ARHGAP31: variants seen among roughly 807,000 people sequenced by gnomAD.
ARHGAP31 encodes rho GTPase-activating protein 31.
In ARHGAP31, 34 loss-of-function variants were observed where a neutral mutation model predicts 113.9. The ratio of observed to expected loss-of-function variants is 0.30; its 90% CI spans 0.23 to 0.40. The LOEUF (loss-of-function observed/expected upper bound fraction) is 0.40, where lower values mean the gene tolerates loss of function less well. Ranked by LOEUF, ARHGAP31 falls within the 10% of genes least tolerant of loss-of-function variation. ARHGAP31 has a pLI of 1.00. For missense variants in ARHGAP31, 1,548 were observed against 1,767.1 expected, an observed-to-expected ratio of 0.88 and a Z score of 2.22; for synonymous variants, 650 against 684.8, an observed-to-expected ratio of 0.95 and a Z score of 0.79.
In ARHGAP31 at chr3:119,414,127, C is replaced by T. The variant is rs1225039210; in HGVS notation, c.2198C>T (p.Ala733Val). 6.2e-7 allele frequency: 1 copy of T among 1,614,218 alleles called. No individual in the cohort carries two copies. The highest frequency in any genetic ancestry group is 1.1e-5 in the South Asian group (1 of 91,082). Residue 733 changes from alanine (A) to valine (V), a missense_variant, in exon 12 of 12, where the codon GCA becomes GTA. Coordinates refer to ENST00000264245, the MANE Select transcript of ARHGAP31 (RefSeq NM_020754.4). ...ANQSTQGAST[A>V]ASREKPEPEQ... ...CAGAGCACACAGGGGGCTTCCACAG[C>T]AGCCAGCAGAGAGAAGCCGGAACCT...
rs1038345645 is a variant in ARHGAP31, at chr3:119,308,999, G to A, written c.100+13995G>A. 8.6e-5 allele frequency among the ~76,000 whole-genome samples: 13 copies of A among 152,014 alleles called. 1 individual carries two copies. The highest frequency in any genetic ancestry group is 3.9e-4 in the East Asian group (2 of 5,158). On this transcript the variant is annotated intron_variant, in intron 1 of 11. Transcript: ENST00000264245. ...TGGGACTACAGGCATGCACCCCCAC[G>A]CCTGGCTAATTTCTGTATTGTTTGT...
rs1305483053 is a variant in ARHGAP31 at position 119,402,159 on chromosome 3, C to T, written c.1407C>T (p.Ser469=). ...DSPSKSVFTS[S]LFQMEPSPRN... is the part of the protein sequence containing the mutation. ...CTAGCAAATCCGTCTTCACCAGCAG[C>T]CTCTTCCAGATGGAGCCCTCGCCGC... The change falls in exon 10 of 12, where the codon AGC becomes AGT. Residue 469 remains serine (S), a synonymous_variant. Transcript: ENST00000264245. The T allele has an allele frequency of 6.2e-7, 1 of 1,614,280 alleles. No individual in the cohort carries two copies. The highest frequency in any genetic ancestry group is 2.2e-5 in the East Asian group (1 of 44,894).
intron 8 of ARHGAP31, among the ~76,000 whole-genome samples, chr3:119,397,555 C>T (rs994564985): frequency 3.3e-5 from 5 of 152,172 alleles, no homozygotes; most frequent in Admixed American, 1.3e-4. Context: ...TTCTGGGGCA[C>T]ATTGGAAGTG....
At chr3:119,300,626 C>T (rs1226083269) in intron 1 of ARHGAP31, among the ~76,000 whole-genome samples, 1 of 151,768 alleles carries the variant, frequency 6.6e-6, no homozygotes, top group African/African-American at 2.4e-5. Flanking sequence ...GTCAGACGTT[C>T]GAGACCAGCC....
intron 6 of ARHGAP31, among the ~76,000 whole-genome samples, chr3:119,385,418 A>G (rs571652508): frequency 2.0e-5 from 3 of 152,254 alleles, no homozygotes; most frequent in Non-Finnish European, 4.4e-5. Flanking sequence ...ATTCACATAC[A>G]CGTTTTTGTT....
At chr3:119,298,471 T>C (rs1484903710) in intron 1 of ARHGAP31, among the ~76,000 whole-genome samples, 1 of 152,232 alleles carries the variant, frequency 6.6e-6, no homozygotes, top group Admixed American at 6.5e-5. Flanking sequence ...ATGCCAAGTG[T>C]TCTGGGTCTT....
chr3:119,389,941 G>A lies in ARHGAP31; in HGVS notation c.683-844G>A, dbSNP rs537340312. The stretch of plus-strand genomic sequence containing the variant: ...GGCACTGCTCTGTGCATTGCAGGAC[G>A]CTTAACAGCATCCCTGGCCTTTGCC... On this transcript the variant is annotated intron_variant, in intron 6 of 11. Transcript: ENST00000264245. Among the ~76,000 whole-genome samples the A allele has an allele frequency of 3.9e-5, 6 of 152,296 alleles. No homozygotes were observed. In the South Asian group the frequency reaches 8.3e-4, roughly 21 times the overall value.
intron 3 of ARHGAP31, among the ~76,000 whole-genome samples, chr3:119,377,165 G>A (rs1470199307): frequency 2.6e-5 from 4 of 152,188 alleles, no homozygotes; most frequent in Non-Finnish European, 1.5e-5. Context: ...ACATACATTT[G>A]GCAGGCACAG....
chr3:119,324,950 G>A, intron 1 of ARHGAP31: 1 of 456,680 alleles, frequency 2.2e-6, no homozygotes, highest in East Asian at 6.9e-5. Context: ...GTGAAAATGT[G>A]TCATTTGGGT....
At chr3:119,356,515 C>T (rs899804951) in intron 1 of ARHGAP31, among the ~76,000 whole-genome samples, 1 of 151,880 alleles carries the variant, frequency 6.6e-6, no homozygotes, top group Non-Finnish European at 1.5e-5. Flanking sequence ...CCTGTAATCC[C>T]AGCTACTCAG....
chr3:119,388,784 AAAG>A (rs2080477285), intron 6 of ARHGAP31, among the ~76,000 whole-genome samples: 1 of 152,192 alleles, frequency 6.6e-6, no homozygotes. Context: ...CTACTGACAC[AAAG>A]AAGATGAGAG....
chr3:119,404,292 A>G (rs1302228396), intron 10 of ARHGAP31, among the ~76,000 whole-genome samples: 3 of 152,294 alleles, frequency 2.0e-5, no homozygotes, highest in African/African-American at 4.8e-5. Context: ...TCTCCTCTCT[A>G]TAAATAAGAA....
At chr3:119,343,507 C>T (rs1309790177) in intron 1 of ARHGAP31, among the ~76,000 whole-genome samples, 1 of 152,198 alleles carries the variant, frequency 6.6e-6, no homozygotes, top group Non-Finnish European at 1.5e-5. Context: ...ACAATTCATA[C>T]TTCCTAAACT....
chr3:119,385,623 C>G (rs572823395), intron 6 of ARHGAP31, among the ~76,000 whole-genome samples: 2 of 152,298 alleles, frequency 1.3e-5, no homozygotes, highest in Non-Finnish European at 2.9e-5. Context: ...GGGATTTACT[C>G]TACAGCAGGA....
At chr3:119,357,707 G>C (rs1489522976) in intron 1 of ARHGAP31, among the ~76,000 whole-genome samples, 1 of 152,132 alleles carries the variant, frequency 6.6e-6, no homozygotes, top group Admixed American at 6.5e-5. Context: ...TTTTCTCCTG[G>C]AAGGAGGTTA....
intron 1 of ARHGAP31, 105 bp from the exon 2 acceptor site, chr3:119,365,211 T>TATG: frequency 1.1e-6 from 1 of 891,546 alleles, no homozygotes; most frequent in Non-Finnish European, 1.8e-6. Flanking sequence ...ATGAGTTCCA[T>TATG]ACTTACATCT....
rs769385933 is a variant in ARHGAP31 at position 119,390,788 on chromosome 3, A to G, written c.686A>G (p.Asn229Ser). The G allele has an allele frequency of 3.1e-6, 5 of 1,611,912 alleles. No homozygotes were observed. Among genetic ancestry groups the G allele is most frequent in the Non-Finnish European group, 4.2e-6 (5 of 1,179,922 alleles). The change falls in exon 7 of 12, where the codon AAC (asparagine) becomes AGC (serine). Residue 229 changes from asparagine (N) to serine (S), a missense_variant. Physicochemically the swap from Asn to Ser is conservative, Grantham distance 46. Coordinates refer to ENST00000264245, the MANE Select transcript of ARHGAP31 (RefSeq NM_020754.4). Reference protein sequence around the residue: ...GAPGSLENDENRPIMKSLTLP... With the variant: ...GAPGSLENDESRPIMKSLTLP... ...AGCTCTTCCATTGCCTTTACAGAAA[A>G]CCGGCCCATCATGAAGAGCCTGACC...
intron 1 of ARHGAP31, among the ~76,000 whole-genome samples, chr3:119,330,522 G>A (rs2079883227): frequency 6.6e-6 from 1 of 152,218 alleles, no homozygotes; most frequent in African/African-American, 2.4e-5. Flanking sequence ...TGTTTACAGT[G>A]TAGATGGTTT....
At chr3:119,368,890 C>T (rs1475926843) in intron 3 of ARHGAP31, among the ~76,000 whole-genome samples, 3 of 152,086 alleles carry the variant, frequency 2.0e-5, no homozygotes, top group Non-Finnish European at 4.4e-5. Flanking sequence ...CCACTGCTAG[C>T]CTTTTTATCA....
Sources: allele counts gnomAD v4.1 joint callset (sites outside exome capture counted in the v4.1 genomes callset), GRCh38; gene constraint gnomAD v4.1.1; transcripts MANE v1.5; gene names NCBI Gene and HGNC (gene_info 2026-07-23, HGNC 2026-07-21).